Variants in CD47 observed in about 807,000 individuals in gnomAD.
CD47 encodes the protein CD47 molecule.
A neutral mutation model predicts 44.6 loss-of-function variants in CD47; 11 were observed. The ratio of observed to expected loss-of-function variants is 0.25; its 90% confidence interval spans 0.16 to 0.41. CD47 has a LOEUF of 0.41. Among genes scored for constraint, CD47 ranks in the 10% least tolerant of loss-of-function variants. CD47 has a pLI of 1.00. For synonymous variants in CD47, 140 were observed against 136.3 expected, an observed-to-expected ratio of 1.03 and a Z score of -0.19; for missense variants, 306 against 386.7, an observed-to-expected ratio of 0.79 and a Z score of 1.75.
rs2078715176 is a variant in CD47 at position 108,045,918 on chromosome 3, T to A, written c.*1370A>T. The A allele has an allele frequency of 6.6e-6, 1 of 152,198 alleles. No homozygotes were observed. Among genetic ancestry groups the A allele is most frequent in the South Asian group, 2.1e-4 (1 of 4,826 alleles). The allele number at this position is 152,198 out of a possible 1,614,324, so 9.4% of individuals were successfully genotyped here. On this transcript the variant is annotated 3_prime_UTR_variant, in exon 11 of 11. Transcript: ENST00000361309. ...AATAAAGAACTTTGTATTTAAATGT[T>A]TTTACTAAAAGCACAAAATTAACCT...
intron 2 of CD47, among the ~76,000 whole-genome samples, chr3:108,074,034 G>A (rs1362947523): frequency 7.9e-5 from 12 of 152,196 alleles, no homozygotes. Context: ...CAGTGAGTGA[G>A]AATAGTAGCA....
At chr3:108,050,829 T>G in intron 8 of CD47, 1 of 492,588 alleles carries the variant, frequency 2.0e-6, no homozygotes, top group East Asian at 5.0e-5. Context: ...TTAATATTAT[T>G]TTTCTAAACA....
chr3:108,072,604 A>C (rs1174663044), intron 2 of CD47, among the ~76,000 whole-genome samples: 2 of 152,088 alleles, frequency 1.3e-5, no homozygotes, highest in Non-Finnish European at 2.9e-5. Context: ...ATCTCTACTG[A>C]GAGATGTTTT....
At position 108,057,542 on chromosome 3, in the gene CD47, A is replaced by G; in HGVS notation, c.812T>C (p.Leu271Pro). ...AGCTAAGATACTCAAACCTGAAATC[A>G]GAAGAGGGCCATGCATTGGTATACA... ...AACIPMHGPL[L>P]ISGLSILALA... Residue 271 changes from leucine to proline, a missense_variant, in exon 7 of 11, where the codon CTG (leucine) becomes CCG (proline). By Grantham distance (98) the Leu-to-Pro change is moderately conservative. Around this residue, in one of 5 missense-constraint regions of CD47, gnomAD observed 131 missense variants for 135.3 expected, o/e 0.97. Coordinates refer to ENST00000361309, the MANE Select transcript of CD47 (RefSeq NM_001777.4). The G allele has an allele frequency of 6.4e-7, 1 of 1,574,574 alleles. No individual in the cohort carries two copies. The highest frequency in any genetic ancestry group is 1.1e-5 in the South Asian group (1 of 90,254).
Position 108,044,931 on chromosome 3 carries a change from T to C in CD47, c.*2357A>G, listed in dbSNP as rs2078698257. On this transcript the variant is annotated 3_prime_UTR_variant, in exon 11 of 11. Coordinates refer to ENST00000361309, the MANE Select transcript of CD47 (RefSeq NM_001777.4). ...TATGGGACAAAACAGATACATGATG[T>C]GCAAAACACTGTCTGCAATTTAAAT... The C allele has an allele frequency of 6.6e-6, 1 of 152,664 alleles. No homozygotes were observed. The highest frequency in any genetic ancestry group is 1.9e-4 in the East Asian group (1 of 5,194). The allele number at this position is 152,664 out of a possible 1,614,324, so 9.5% of individuals were successfully genotyped here.
intron 1 of CD47, among the ~76,000 whole-genome samples, chr3:108,083,250 A>C (rs1032528773): frequency 6.6e-6 from 1 of 152,050 alleles, no homozygotes; most frequent in African/African-American, 2.4e-5. Flanking sequence ...TGCCAAAAGT[A>C]TTAGACTTGA....
chr3:108,066,528 G>T (rs2079108333), intron 3 of CD47, among the ~76,000 whole-genome samples: 1 of 152,196 alleles, frequency 6.6e-6, no homozygotes, highest in African/African-American at 2.4e-5. Flanking sequence ...TTTGAAGACT[G>T]TTGGTGACTA....
intron 7 of CD47, chr3:108,054,593 T>A (rs533075389): frequency 6.6e-6 from 1 of 152,228 alleles, no homozygotes; most frequent in Non-Finnish European, 1.5e-5. Context: ...CATATGAGCA[T>A]ACTTGCAATG....
rs2078668796 is a variant in CD47 at position 108,043,768 on chromosome 3, T to C, written c.*3520A>G. 6.6e-6 allele frequency: 1 copy of C among 152,658 alleles called. No homozygotes were observed. Among genetic ancestry groups the C allele is most frequent in the African/African-American group, 2.4e-5 (1 of 41,462 alleles). 9.5% of individuals were successfully genotyped at this position (152,658 alleles called of 1,614,324 possible). ...GTCTTACAGAGGAGCTTAGTACAAA[T>C]GCTTTCTTTTTTTCAAAAAGAGAAA... is the stretch of plus-strand genomic sequence containing the variant. On this transcript the variant is annotated 3_prime_UTR_variant, in exon 11 of 11. Coordinates refer to ENST00000361309, the MANE Select transcript of CD47 (RefSeq NM_001777.4).
chr3:108,064,155 A>G (rs1327960834), intron 3 of CD47, among the ~76,000 whole-genome samples: 1 of 152,210 alleles, frequency 6.6e-6, no homozygotes, highest in Admixed American at 6.5e-5. Flanking sequence ...TAATTGATTG[A>G]GCACTATCCA....
chr3:108,059,334 C>A, intron 5 of CD47, 118 bp downstream of exon 5: 2 of 469,780 alleles, frequency 4.3e-6, no homozygotes, highest in Non-Finnish European at 7.7e-6. Context: ...CATGAAAAAT[C>A]TTTTAATAAA....
chr3:108,071,139 GA>G lies in CD47; in HGVS notation c.443del (p.Phe148SerfsTer37). The G allele has an allele frequency of 1.3e-6, 2 of 1,504,720 alleles. No individual in the cohort carries two copies. Among genetic ancestry groups the G allele is most frequent in the Non-Finnish European group, 1.8e-6 (2 of 1,098,676 alleles). The allele number at this position is 1,504,720 out of a possible 1,614,324, so 93.2% of individuals were successfully genotyped here. The stretch of plus-strand genomic sequence containing the variant: ...AGAACAGGAGTATAGCAAAAATTGG[GA>G]AAATAACAATAAGAATATTTTCATT... ...SPNENILIVI[F>X]PIFAILLFWG... On this transcript the variant is annotated frameshift_variant, in exon 3 of 11. Coordinates refer to ENST00000361309, the MANE Select transcript of CD47 (RefSeq NM_001777.4). LOFTEE classifies it high-confidence loss of function.
Position 108,090,988 on chromosome 3 carries a change from G to A in CD47, c.-80C>T, listed in dbSNP as rs1560051352. The A allele has an allele frequency of 1.3e-5, 13 of 1,019,220 alleles. No individual in the cohort carries two copies. In the East Asian group the frequency reaches 2.1e-4, roughly 16 times the overall value. The allele number at this position is 1,019,220 out of a possible 1,614,324, so 63.1% of individuals were successfully genotyped here. A position where few individuals can be genotyped will look rare whatever the true frequency, so the allele number is the denominator to read the frequency against. On this transcript the variant is annotated 5_prime_UTR_variant, in exon 1 of 11. Coordinates refer to ENST00000361309, the MANE Select transcript of CD47 (RefSeq NM_001777.4). ...CGCCGCCGCCGTTACAGGCAGGACCGACCGCCGCCGCGCGTCACAGGCAGG... is the reference window on the plus strand; with the variant it reads ...CGCCGCCGCCGTTACAGGCAGGACCAACCGCCGCCGCGCGTCACAGGCAGG...
chr3:108,061,761 G>A (rs762193693), intron 3 of CD47, among the ~76,000 whole-genome samples: 14 of 152,246 alleles, frequency 9.2e-5, no homozygotes, highest in Middle Eastern at 3.4e-3. Context: ...ACTGAGTAGC[G>A]GAAAGAAACA....
rs569768859 is a variant in CD47, at chr3:108,044,328, A to T, written c.*2960T>A. The stretch of plus-strand genomic sequence containing the variant: ...ATAGCCCTGTTATTTTAATTCTGAC[A>T]TTCTTAGGGATTTAAACAGAATGGA... On this transcript the variant is annotated 3_prime_UTR_variant, in exon 11 of 11. Transcript: ENST00000361309. 3.3e-5 allele frequency: 5 copies of T among 150,172 alleles called. No homozygotes were observed. In the East Asian group the frequency reaches 9.9e-4, roughly 30 times the overall value. 9.3% of individuals were successfully genotyped at this position (150,172 alleles called of 1,614,324 possible).
chr3:108,074,716 G>T (rs1024153383), intron 2 of CD47, among the ~76,000 whole-genome samples: 3 of 135,644 alleles, frequency 2.2e-5, no homozygotes, highest in East Asian at 5.3e-4. Context: ...GCGGGTGGGG[G>T]GGGGGGGCAC....
At chr3:108,088,586 T>C (rs2079565547) in intron 1 of CD47, among the ~76,000 whole-genome samples, 1 of 151,564 alleles carries the variant, frequency 6.6e-6, no homozygotes, top group Non-Finnish European at 1.5e-5. Flanking sequence ...ACTTAGACGA[T>C]GGAAAAAAAT....
chr3:108,067,434 C>T (rs1479521691), intron 3 of CD47, among the ~76,000 whole-genome samples: 1 of 152,172 alleles, frequency 6.6e-6, no homozygotes, highest in Non-Finnish European at 1.5e-5. Flanking sequence ...AAATGTTAGC[C>T]AGTTCTTTAC....
At chr3:108,049,501 T>C (rs2078785102) in intron 10 of CD47, 118 bp downstream of exon 10, 1 of 718,054 alleles carries the variant, frequency 1.4e-6, no homozygotes, top group Non-Finnish European at 2.5e-6. Flanking sequence ...AATGTGAACC[T>C]TTATCATCTG....
Sources: allele counts gnomAD v4.1 joint callset (sites outside exome capture counted in the v4.1 genomes callset), GRCh38; gene constraint gnomAD v4.1.1; regional missense constraint gnomAD v4.1.1; transcripts MANE v1.5; gene names NCBI Gene and HGNC (gene_info 2026-07-23, HGNC 2026-07-21).